Variants in PLEKHG1 observed in about 807,000 individuals in gnomAD.
PLEKHG1 encodes pleckstrin homology domain-containing family G member 1.
In PLEKHG1, 44 loss-of-function variants were observed where a neutral mutation model predicts 100.8. The ratio of observed to expected loss-of-function variants is 0.44; its 90% CI spans 0.34 to 0.56. PLEKHG1 has a LOEUF of 0.56. PLEKHG1 is among the 20% of genes least tolerant of loss of function. The pLI, the probability that PLEKHG1 is intolerant of heterozygous loss-of-function variation, is 0.01. For synonymous variants in PLEKHG1, 640 were observed against 662.5 expected (o/e 0.97, Z 0.52); for missense variants, 1,545 against 1,720.9 (o/e 0.90, Z 1.81).
At position 150,683,424 on chromosome 6, in the gene PLEKHG1, T is replaced by G. The variant is rs1322363689; in HGVS notation, c.-99+32638T>G. 6.6e-6 allele frequency among the ~76,000 whole-genome samples: 1 copy of G among 151,962 alleles called. No homozygotes were observed. The highest frequency in any genetic ancestry group is 1.9e-4 in the East Asian group (1 of 5,162). The stretch of plus-strand genomic sequence containing the variant: ...TCCGGAGGGAAATGACTTCATGGGC[T>G]CACTGTTGAGCTGCTTCCCTTTGCA... On this transcript the variant is annotated intron_variant, in intron 3 of 3. Coordinates refer to the PLEKHG1 transcript ENST00000367326. The surrounding 1 kb of genome is among the most constrained non-coding windows in gnomAD (Gnocchi z 4.0).
At chr6:150,777,007 A>G (rs574216868) in intron 3 of PLEKHG1, among the ~76,000 whole-genome samples, 2 of 150,874 alleles carry the variant, frequency 1.3e-5, no homozygotes, top group East Asian at 2.0e-4. Context: ...CCTGGTGCAC[A>G]TGTGCAGTTG....
chr6:150,672,193 TAA>T (rs1779609037), intron 3 of PLEKHG1, among the ~76,000 whole-genome samples: 1 of 152,190 alleles, frequency 6.6e-6, no homozygotes, highest in Admixed American at 6.5e-5. Context: ...AAGAAAATGC[TAA>T]GTCTTAATCC....
intron 5 of PLEKHG1, among the ~76,000 whole-genome samples, chr6:150,799,838 G>A (rs1005908948): frequency 6.6e-6 from 1 of 152,174 alleles, no homozygotes; most frequent in African/African-American, 2.4e-5. Context: ...GGGAGAAAAG[G>A]GCTGAAATTA....
chr6:150,601,666 A>T (rs147066639), intron 1 of PLEKHG1, among the ~76,000 whole-genome samples: 297 of 152,338 alleles, frequency 1.9e-3, no homozygotes, highest in African/African-American at 6.9e-3. Flanking sequence ...CCCTGGCTTC[A>T]TCCTCAAATA....
chr6:150,786,473 A>G lies in PLEKHG1; in HGVS notation c.582+14A>G. ...TTTGTGTCCAAGGTAAGCAGGGTTC[A>G]TCCTTCTGGGCCAACTGAGACAGAT... On this transcript the variant is annotated intron_variant, in intron 4 of 15. Coordinates refer to ENST00000358517, the Ensembl canonical transcript of PLEKHG1. 3 of 1,576,788 alleles carry G rather than the reference A, an allele frequency of 1.9e-6. No individual in the cohort carries two copies. Among genetic ancestry groups the G allele is most frequent in the East Asian group, 2.2e-5 (1 of 44,686 alleles).
chr6:150,680,175 ATT>A (rs1741325220), intron 3 of PLEKHG1, among the ~76,000 whole-genome samples: 12 of 152,212 alleles, frequency 7.9e-5, no homozygotes, highest in Admixed American at 7.9e-4. Context: ...TCCAGAGAAT[ATT>A]TAGTAGAATG....
intron 3 of PLEKHG1, among the ~76,000 whole-genome samples, chr6:150,690,906 C>G (rs973397544): frequency 6.6e-6 from 1 of 152,228 alleles, no homozygotes; most frequent in African/African-American, 2.4e-5. Context: ...CCTGTGAACA[C>G]TGGAATGTGG....
intron 13 of PLEKHG1, 71 bp downstream of exon 14, chr6:150,821,304 A>G (rs1776282909): frequency 1.0e-6 from 1 of 961,644 alleles, no homozygotes; most frequent in East Asian, 2.4e-5. Context: ...ACAAAAATAA[A>G]TAAATACCAG....
chr6:150,777,569 T>C (rs60584721), intron 3 of PLEKHG1, among the ~76,000 whole-genome samples: 1,712 of 112,506 alleles, frequency 0.015, 3 homozygotes, highest in Middle Eastern at 0.056. Context: ...AATCCTGGTG[T>C]ACATGTGCGG....
At chr6:150,836,064 C>G (rs1407959332) in intron 15 of PLEKHG1, among the ~76,000 whole-genome samples, 1 of 152,110 alleles carries the variant, frequency 6.6e-6, no homozygotes, top group Admixed American at 6.6e-5. Flanking sequence ...AAAGTGCATC[C>G]CTTTTTAAAA....
exon 16 of PLEKHG1, chr6:150,839,993 G>T (rs957926145): frequency 6.2e-7 from 1 of 1,614,116 alleles, no homozygotes; most frequent in Non-Finnish European, 8.5e-7. Flanking sequence ...ACTGGCTTCT[G>T]CATTCAACCT....
intron 1 of PLEKHG1, among the ~76,000 whole-genome samples, chr6:150,603,655 A>G (rs935526306): frequency 1.3e-5 from 2 of 152,124 alleles, no homozygotes; most frequent in Non-Finnish European, 2.9e-5. Context: ...GTATCTTTTC[A>G]ATATGTAAAC....
intron 4 of PLEKHG1, among the ~76,000 whole-genome samples, chr6:150,791,455 A>C (rs1017999285): frequency 2.6e-5 from 4 of 152,068 alleles, no homozygotes; most frequent in Admixed American, 6.6e-5. Flanking sequence ...TGAGGCCTGG[A>C]GCTTGAGACC....
At chr6:150,739,630 T>G (rs923283504) in intron 2 of PLEKHG1, among the ~76,000 whole-genome samples, 2 of 151,692 alleles carry the variant, frequency 1.3e-5, no homozygotes, top group African/African-American at 4.9e-5. Context: ...ATCGTGCCAT[T>G]GCATTCCAGC....
chr6:150,839,906 G>A, exon 16 of PLEKHG1: 2 of 1,613,958 alleles, frequency 1.2e-6, no homozygotes, highest in South Asian at 1.1e-5. Context: ...AAATTCAGAA[G>A]GATGGCTGGG....
At chr6:150,834,444 A>T (rs1777121075) in intron 15 of PLEKHG1, among the ~76,000 whole-genome samples, 1 of 152,194 alleles carries the variant, frequency 6.6e-6, no homozygotes, top group East Asian at 1.9e-4. Context: ...ATGATGGGTT[A>T]TGCCCACAGA....
At position 150,758,704 on chromosome 6, in the gene PLEKHG1, G is replaced by T. The variant is rs55729112; in HGVS notation, c.412-9934G>T. ...TGGTATCTTATTGTGGTTTTGATTTGCATTTCTCTAATGATCAGTGGTGTT... is the reference window on the plus strand; with the variant it reads ...TGGTATCTTATTGTGGTTTTGATTTTCATTTCTCTAATGATCAGTGGTGTT... On this transcript the variant is annotated intron_variant, in intron 2 of 15. Transcript: ENST00000358517. Among the ~76,000 whole-genome samples the T allele has an allele frequency of 4.6e-3, 693 of 152,236 alleles. 5 individuals are homozygous for T. Among genetic ancestry groups the T allele is most frequent in the African/African-American group, 0.016 (657 of 41,540 alleles).
At chr6:150,780,783 C>G (rs6935347) in intron 3 of PLEKHG1, among the ~76,000 whole-genome samples, 1 of 151,882 alleles carries the variant, frequency 6.6e-6, no homozygotes, top group African/African-American at 2.4e-5. Flanking sequence ...GCTTGTTGGC[C>G]GAAGATTCAT....
intron 2 of PLEKHG1, among the ~76,000 whole-genome samples, chr6:150,650,450 G>T (rs1198336158): frequency 6.6e-6 from 1 of 152,204 alleles, no homozygotes; most frequent in Non-Finnish European, 1.5e-5. Flanking sequence ...TCAAGGGAAA[G>T]GGAAAATCAA....
Sources: allele counts gnomAD v4.1 joint callset (sites outside exome capture counted in the v4.1 genomes callset), GRCh38; gene constraint gnomAD v4.1.1; non-coding constraint Gnocchi (gnomAD v3.1); transcripts MANE v1.5; gene names NCBI Gene and HGNC (gene_info 2026-07-23, HGNC 2026-07-21).